Variants in TCERG1 observed in about 807,000 individuals in gnomAD.
TCERG1 encodes TATA box binding protein (TBP)-associated factor, RNA polymerase II, S, 150kD.
In TCERG1, 37 loss-of-function variants were observed where a neutral mutation model predicts 144.7. The observed-to-expected ratio is 0.26, with a 90% confidence interval of 0.20 to 0.34. The LOEUF (loss-of-function observed/expected upper bound fraction) is 0.34, where lower values mean the gene tolerates loss of function less well. TCERG1 is among the 10% of genes least tolerant of loss of function. The pLI, the probability that TCERG1 is intolerant of heterozygous loss-of-function variation, is 1.00. For synonymous variants in TCERG1, 492 were observed against 458.2 expected (o/e 1.07, Z -0.94); for missense variants, 1,027 against 1,380.7 (o/e 0.74, Z 4.06).
intron 11 of TCERG1, 41 bp from the exon 12 acceptor site, chr5:146,479,987 G>A (rs1352657673): frequency 1.9e-6 from 3 of 1,587,000 alleles, no homozygotes; most frequent in Non-Finnish European, 1.7e-6. Context: ...ATTAGCAGAA[G>A]GATTCATTCC....
At position 146,511,505 on chromosome 5, in the gene TCERG1, T is replaced by G. The variant is rs1478166004; in HGVS notation, c.*863T>G. 6.5e-6 allele frequency: 1 copy of G among 152,672 alleles called. No homozygotes were observed. Among genetic ancestry groups the G allele is most frequent in the Non-Finnish European group, 1.5e-5 (1 of 68,048 alleles). The allele number at this position is 152,672 out of a possible 1,614,324, so 9.5% of individuals were successfully genotyped here. A position where few individuals can be genotyped will look rare whatever the true frequency, so the allele number is the denominator to read the frequency against. ...AACTACAATAAACCAACCCTTTTTA[T>G]ATATCTGTATTGTATATGATTATTG... On this transcript the variant is annotated 3_prime_UTR_variant, in exon 23 of 23. Coordinates refer to ENST00000679501, the MANE Select transcript of TCERG1 (RefSeq NM_001382548.1).
intron 1 of TCERG1, among the ~76,000 whole-genome samples, chr5:146,451,857 G>A (rs969430679): frequency 2.0e-5 from 3 of 150,456 alleles, no homozygotes. Flanking sequence ...GTGCAATATC[G>A]GCTCACTGCA....
chr5:146,477,562 A>G (rs1206535768), intron 9 of TCERG1, among the ~76,000 whole-genome samples: 1 of 150,736 alleles, frequency 6.6e-6, no homozygotes, highest in Non-Finnish European at 1.5e-5. Flanking sequence ...AGACTATACT[A>G]TACAGAGTCT....
intron 15 of TCERG1, among the ~76,000 whole-genome samples, chr5:146,489,450 G>A (rs1766183190): frequency 6.6e-6 from 1 of 152,108 alleles, no homozygotes; most frequent in South Asian, 2.1e-4. Flanking sequence ...CAGTATTACA[G>A]TATGGTAATA....
intron 17 of TCERG1, among the ~76,000 whole-genome samples, chr5:146,501,233 A>T (rs972156894): frequency 3.3e-5 from 5 of 152,086 alleles, no homozygotes; most frequent in Non-Finnish European, 7.4e-5. Flanking sequence ...CTGTGCATAA[A>T]TTATTTTTGT....
At chr5:146,483,396 G>A in intron 14 of TCERG1, 144 bp from the exon 15 acceptor site, 3 of 632,272 alleles carry the variant, frequency 4.7e-6, no homozygotes, top group Non-Finnish European at 7.9e-6. Context: ...GCCTCCCACT[G>A]CTTGTCATTT....
chr5:146,489,520 T>C (rs904339834), intron 15 of TCERG1, among the ~76,000 whole-genome samples: 1 of 152,168 alleles, frequency 6.6e-6, no homozygotes, highest in Admixed American at 6.5e-5. Flanking sequence ...CTGAATAATT[T>C]GTCATTGAAT....
intron 18 of TCERG1, 69 bp downstream of exon 18, chr5:146,503,608 G>T: frequency 6.5e-7 from 1 of 1,537,464 alleles, no homozygotes; most frequent in Non-Finnish European, 8.8e-7. Flanking sequence ...GGTATATGTT[G>T]TTGTTGGGGA....
intron 14 of TCERG1, 66 bp from the exon 15 acceptor site, chr5:146,483,474 C>G (rs555644105): frequency 1.4e-6 from 2 of 1,423,280 alleles, no homozygotes; most frequent in East Asian, 2.3e-5. Context: ...AGATTTCAAG[C>G]AAAATTATGA....
rs1761944941 is a variant in TCERG1, at chr5:146,447,383, G to A, written c.34G>A (p.Glu12Lys). 6.2e-7 allele frequency: 1 copy of A among 1,611,688 alleles called. No individual in the cohort carries two copies. The highest frequency in any genetic ancestry group is 8.5e-7 in the Non-Finnish European group (1 of 1,179,136). Residue 12 changes from glutamate to lysine, a missense_variant, in exon 1 of 23, where the codon GAA (glutamate) becomes AAA (lysine). Transcript: ENST00000679501. Reference sequence around the variant, plus strand: ...GCGTGGCGGGGACGGGGGCGAGAGTGAACGATTCAACCCGGGGGAGCTCAG... The same window carrying A: ...GCGTGGCGGGGACGGGGGCGAGAGTAAACGATTCAACCCGGGGGAGCTCAG... Reference protein sequence around the residue: ...AERGGDGGESERFNPGELRMA... With the variant: ...AERGGDGGESKRFNPGELRMA...
At chr5:146,477,506 C>T (rs1382489996) in intron 9 of TCERG1, among the ~76,000 whole-genome samples, 1 of 152,008 alleles carries the variant, frequency 6.6e-6, no homozygotes, top group Non-Finnish European at 1.5e-5. Flanking sequence ...GCAGTTGTTT[C>T]TCTAAATTTT....
In TCERG1 at chr5:146,478,582, G is replaced by A. The variant is rs1360201181; in HGVS notation, c.1691G>A (p.Gly564Asp). 1.2e-6 allele frequency: 2 copies of A among 1,612,100 alleles called. No homozygotes were observed. The highest frequency in any genetic ancestry group is 2.2e-5 in the East Asian group (1 of 44,766). Residue 564 changes from glycine to aspartate, a missense_variant, in exon 10 of 23, where the codon GGC (glycine) becomes GAC (aspartate). Coordinates refer to ENST00000679501, the MANE Select transcript of TCERG1 (RefSeq NM_001382548.1). ...SMWDRPDDLIGRADVDKIIQE... is the reference protein window; with the variant it reads ...SMWDRPDDLIDRADVDKIIQE... ...TGGGACCGACCTGATGATCTGATTGGCAGGGCAGATGTTGACAAAATTATT... is the reference window on the plus strand; with the variant it reads ...TGGGACCGACCTGATGATCTGATTGACAGGGCAGATGTTGACAAAATTATT...
chr5:146,492,854 A>G (rs1054778095), intron 15 of TCERG1, 66 bp from the exon 16 acceptor site: 4 of 1,134,298 alleles, frequency 3.5e-6, no homozygotes, highest in South Asian at 2.7e-5. Context: ...ACATTGTCCA[A>G]TAATTTGGTA....
chr5:146,470,621 T>G lies in TCERG1; in HGVS notation c.1400-15T>G. On this transcript the variant is annotated splice_polypyrimidine_tract_variant and intron_variant, in intron 7 of 22. Transcript: ENST00000679501. ...TCAAAACCTTTGAGTGACATTATCT[T>G]AATTTTTTTCATAGAAAAGTTAGAA... The G allele has an allele frequency of 6.3e-7, 1 of 1,586,438 alleles. No individual in the cohort carries two copies. The highest frequency in any genetic ancestry group is 1.9e-5 in the Admixed American group (1 of 52,544).
At chr5:146,480,941 A>G (rs1765308019) in intron 12 of TCERG1, among the ~76,000 whole-genome samples, 1 of 151,750 alleles carries the variant, frequency 6.6e-6, no homozygotes, top group Non-Finnish European at 1.5e-5. Context: ...TGTAATTTTT[A>G]TTAGTTGTGA....
intron 5 of TCERG1, 126 bp downstream of exon 5, chr5:146,463,919 T>G: frequency 2.3e-6 from 3 of 1,323,392 alleles, no homozygotes; most frequent in Non-Finnish European, 3.1e-6. Flanking sequence ...TTTTGAAAGA[T>G]TCATGGCTAA....
At chr5:146,478,909 T>C (rs1765088507) in intron 10 of TCERG1, among the ~76,000 whole-genome samples, 1 of 152,172 alleles carries the variant, frequency 6.6e-6, no homozygotes, top group Non-Finnish European at 1.5e-5. Context: ...TAGTCCAAGA[T>C]ATGGTTGGTA....
At chr5:146,482,765 G>C (rs769827153) in intron 14 of TCERG1, 38 bp downstream of exon 14, 3 of 1,560,208 alleles carry the variant, frequency 1.9e-6, no homozygotes, top group Non-Finnish European at 2.6e-6. Context: ...TTTCTGTTTT[G>C]TATAAGTAAT....
intron 16 of TCERG1, among the ~76,000 whole-genome samples, chr5:146,493,930 A>G (rs1308185668): frequency 6.6e-6 from 1 of 152,148 alleles, no homozygotes; most frequent in Non-Finnish European, 1.5e-5. Context: ...CGTTCATCTT[A>G]TATAAATAGT....
Sources: gnomAD v4.1 joint callset for allele counts (sites outside exome capture counted in the v4.1 genomes callset) on GRCh38, gnomAD v4.1.1 for gene constraint, MANE v1.5 for transcripts, NCBI Gene and HGNC (gene_info 2026-07-23, HGNC 2026-07-21) for gene names.